USP34: variants seen among roughly 807,000 people sequenced by gnomAD.
USP34 encodes the protein ubiquitin specific peptidase 34.
A neutral mutation model predicts 460.3 loss-of-function variants in USP34; 70 were observed. The observed-to-expected ratio is 0.15, with a 90% confidence interval of 0.13 to 0.19. The LOEUF (loss-of-function observed/expected upper bound fraction) is 0.19, where lower values mean the gene tolerates loss of function less well. USP34 is among the 10% of genes least tolerant of loss of function. USP34 has a pLI of 1.00. For missense variants in USP34, 3,985 were observed against 4,236.2 expected, an observed-to-expected ratio of 0.94 and a Z score of 1.65; for synonymous variants, 1,647 against 1,405.3, an observed-to-expected ratio of 1.17 and a Z score of -3.85.
chr2:61,339,716 A>C (rs772128212), intron 16 of USP34, 35 bp from the exon 17 acceptor site: 1 of 1,192,818 alleles, frequency 8.4e-7, no homozygotes, highest in Non-Finnish European at 1.1e-6. Flanking sequence ...CACACTATAG[A>C]GAAATGCAGC....
At chr2:61,312,120 A>C (rs1022005702) in intron 25 of USP34, among the ~76,000 whole-genome samples, 8 of 152,054 alleles carry the variant, frequency 5.3e-5, no homozygotes, top group Admixed American at 3.3e-4. Context: ...CTAACAAAAT[A>C]GTCACCACGA....
At chr2:61,315,345 C>T (rs1690710544) in intron 23 of USP34, among the ~76,000 whole-genome samples, 1 of 151,938 alleles carries the variant, frequency 6.6e-6, no homozygotes, top group African/African-American at 2.4e-5. Flanking sequence ...AGAAAATTAA[C>T]AACATATGCT....
At chr2:61,271,165 G>A (rs776646341) in intron 41 of USP34, among the ~76,000 whole-genome samples, 1 of 152,070 alleles carries the variant, frequency 6.6e-6, no homozygotes, top group Non-Finnish European at 1.5e-5. Context: ...GCTGGGTGTG[G>A]TGACACACGC....
At chr2:61,234,134 C>T (rs1267673120) in intron 57 of USP34, among the ~76,000 whole-genome samples, 1 of 152,114 alleles carries the variant, frequency 6.6e-6, no homozygotes, top group African/African-American at 2.4e-5. Context: ...TTTCCAAATT[C>T]TCATTACAAA....
At chr2:61,354,237 G>C (rs977794251) in intron 10 of USP34, among the ~76,000 whole-genome samples, 1 of 152,088 alleles carries the variant, frequency 6.6e-6, no homozygotes. Context: ...AGCCAAAGAC[G>C]AAAATCTCAA....
intron 41 of USP34, among the ~76,000 whole-genome samples, chr2:61,272,673 C>A (rs1256727743): frequency 6.6e-6 from 1 of 152,156 alleles, no homozygotes; most frequent in Non-Finnish European, 1.5e-5. Flanking sequence ...TAATTCAGAT[C>A]ACATCTCTCC....
chr2:61,462,245 GA>G lies in USP34; in HGVS notation c.43+8404del, dbSNP rs1260341115. Among the ~76,000 whole-genome samples, 600 of 143,466 alleles carry G rather than the reference GA, an allele frequency of 4.2e-3. 2 individuals carry two copies. Among genetic ancestry groups the G allele is most frequent in the Non-Finnish European group, 6.7e-3 (441 of 65,596 alleles). 94.1% of individuals were successfully genotyped at this position (143,466 alleles called of 152,430 possible). A position where few individuals can be genotyped will look rare whatever the true frequency, so the allele number is the denominator to read the frequency against. On this transcript the variant is annotated intron_variant, in intron 1 of 79. Transcript: ENST00000398571. ...ACAGAACAAGACTCCATCTCAGGGGGAAAAAAAAAAAAAAGAAAATCAGCCA... is the reference window on the plus strand; with the variant it reads ...ACAGAACAAGACTCCATCTCAGGGGGAAAAAAAAAAAAAGAAAATCAGCCA...
intron 53 of USP34, among the ~76,000 whole-genome samples, chr2:61,237,893 T>A (rs780473469): frequency 2.0e-5 from 3 of 151,664 alleles, no homozygotes; most frequent in Non-Finnish European, 4.4e-5. Context: ...CTAGCTATTT[T>A]CTTTTTTCTT....
chr2:61,375,368 A>C (rs904125642), intron 8 of USP34, among the ~76,000 whole-genome samples: 3 of 152,228 alleles, frequency 2.0e-5, no homozygotes, highest in Admixed American at 2.0e-4. Context: ...TAAACTAATC[A>C]TATAAGCAAC....
chr2:61,312,532 A>G (rs1690626901), intron 25 of USP34, among the ~76,000 whole-genome samples: 1 of 152,130 alleles, frequency 6.6e-6, no homozygotes, highest in Non-Finnish European at 1.5e-5. Context: ...AAAAAGTCTA[A>G]AACTAATCAG....
chr2:61,327,750 C>T (rs1404109528), intron 20 of USP34, among the ~76,000 whole-genome samples: 1 of 152,114 alleles, frequency 6.6e-6, no homozygotes, highest in Non-Finnish European at 1.5e-5. Flanking sequence ...CCATCAGGGT[C>T]CTATGGGCTG....
chr2:61,242,385 T>C (rs1419035067), intron 51 of USP34, among the ~76,000 whole-genome samples: 2 of 150,062 alleles, frequency 1.3e-5, no homozygotes, highest in African/African-American at 4.9e-5. Context: ...ATCCAACTGA[T>C]GGGAGACAGC....
chr2:61,211,060 G>C (rs1396955010), intron 69 of USP34, among the ~76,000 whole-genome samples: 2 of 152,078 alleles, frequency 1.3e-5, no homozygotes, highest in African/African-American at 4.8e-5. Flanking sequence ...TAATTTCCCT[G>C]TTTACTAATG....
At chr2:61,225,259 G>A (rs1035671862) in intron 62 of USP34, among the ~76,000 whole-genome samples, 2 of 151,970 alleles carry the variant, frequency 1.3e-5, no homozygotes, top group African/African-American at 4.8e-5. Context: ...GGTTTCCAAT[G>A]ACATTAACAG....
Position 61,229,681 on chromosome 2 carries a change from A to C in USP34, c.7114-48T>G, listed in dbSNP as rs755576246. ...AACAAGAGCCAACTCATCAGGTAAC[A>C]AAGATTTGAAAAATTAACATGATTC... On this transcript the variant is annotated intron_variant, in intron 58 of 79. Transcript: ENST00000398571. The C allele has an allele frequency of 3.4e-6, 5 of 1,485,414 alleles. No individual in the cohort carries two copies. The South Asian group carries it at 6.0e-5, about 18-fold the overall frequency. 92.0% of individuals were successfully genotyped at this position (1,485,414 alleles called of 1,614,324 possible).
intron 5 of USP34, among the ~76,000 whole-genome samples, chr2:61,391,798 C>G (rs1693354973): frequency 6.6e-6 from 1 of 152,116 alleles, no homozygotes; most frequent in African/African-American, 2.4e-5. Context: ...TCTTAATGTA[C>G]ACTAAAATAT....
chr2:61,248,723 C>A (rs1279224523), intron 48 of USP34, 40 bp from the exon 49 acceptor site: 1 of 1,498,058 alleles, frequency 6.7e-7, no homozygotes, highest in Non-Finnish European at 9.0e-7. Context: ...TTATTTTTTA[C>A]AAATACTTCA....
At chr2:61,411,708 T>C (rs1694045382) in intron 2 of USP34, among the ~76,000 whole-genome samples, 1 of 152,190 alleles carries the variant, frequency 6.6e-6, no homozygotes, top group African/African-American at 2.4e-5. Flanking sequence ...AAAGCCCGTT[T>C]AGCCCCAACA....
chr2:61,457,823 G>C (rs1298637624), intron 1 of USP34, among the ~76,000 whole-genome samples: 4 of 152,120 alleles, frequency 2.6e-5, no homozygotes, highest in South Asian at 4.1e-4. Context: ...ACTCCAGCCT[G>C]AGTGACAGAG....
Sources: allele counts gnomAD v4.1 joint callset (sites outside exome capture counted in the v4.1 genomes callset), GRCh38; gene constraint gnomAD v4.1.1; transcripts MANE v1.5; gene names NCBI Gene and HGNC (gene_info 2026-07-23, HGNC 2026-07-21).